Variants in TRHDE observed in about 807,000 individuals in gnomAD.
TRHDE encodes the protein thyrotropin releasing hormone degrading enzyme.
A neutral mutation model predicts 125.7 loss-of-function variants in TRHDE; 72 were observed. That is an observed-to-expected ratio of 0.57 (90% CI 0.47 to 0.70). The LOEUF (loss-of-function observed/expected upper bound fraction) is 0.70, where lower values mean the gene tolerates loss of function less well. Among genes scored for constraint, TRHDE ranks in the 30% least tolerant of loss-of-function variants. The pLI is 0.00. For synonymous variants in TRHDE, 509 were observed against 509.1 expected, an observed-to-expected ratio of 1.00 and a Z score of 0.00; for missense variants, 1,110 against 1,327.1, an observed-to-expected ratio of 0.84 and a Z score of 2.54.
intron 15 of TRHDE, among the ~76,000 whole-genome samples, chr12:72,651,043 A>T (rs1159102418): frequency 6.6e-6 from 1 of 152,130 alleles, no homozygotes; most frequent in Non-Finnish European, 1.5e-5. Flanking sequence ...AAGCTCTTTA[A>T]TGGTTTATTC....
intron 7 of TRHDE, among the ~76,000 whole-genome samples, chr12:72,544,067 C>T (rs1869290407): frequency 6.6e-6 from 1 of 151,280 alleles, no homozygotes; most frequent in Admixed American, 6.6e-5. Context: ...GTCAACACTG[C>T]ATTTCATTTG....
At chr12:72,634,098 C>G (rs376378307) in intron 15 of TRHDE, among the ~76,000 whole-genome samples, 1 of 152,110 alleles carries the variant, frequency 6.6e-6, no homozygotes, top group Non-Finnish European at 1.5e-5. Context: ...AAGCACTGGA[C>G]AGACATCTCA....
At chr12:72,170,888 A>G (rs2139335115) in intron 2 of TRHDE, among the ~76,000 whole-genome samples, 1 of 152,328 alleles carries the variant, frequency 6.6e-6, no homozygotes, top group Non-Finnish European at 1.5e-5. Context: ...GTAGGAAAGC[A>G]ACTTTTGATA....
At chr12:72,238,725 A>C (rs1878414385) in intron 2 of TRHDE, among the ~76,000 whole-genome samples, 1 of 152,134 alleles carries the variant, frequency 6.6e-6, no homozygotes, top group Non-Finnish European at 1.5e-5. Context: ...ACATGAACTC[A>C]TCCTTTTTTA....
intron 6 of TRHDE, among the ~76,000 whole-genome samples, chr12:72,515,739 T>C (rs578229344): frequency 1.6e-4 from 24 of 152,222 alleles, no homozygotes; most frequent in African/African-American, 5.8e-4. Context: ...TAAATGGTAA[T>C]GCCTAGGTTT....
At chr12:72,260,622 C>T (rs547729930) in intron 2 of TRHDE, among the ~76,000 whole-genome samples, 92 of 152,152 alleles carry the variant, frequency 6.0e-4, no homozygotes, top group African/African-American at 2.1e-3. Flanking sequence ...GGAATAGAGT[C>T]AAAGGAGGCC....
At position 72,663,933 on chromosome 12, in the gene TRHDE, G is replaced by A. The variant is rs529385442; in HGVS notation, c.*738G>A. 1 of 152,248 alleles carries A rather than the reference G, an allele frequency of 6.6e-6. No individual in the cohort carries two copies. Among genetic ancestry groups the A allele is most frequent in the South Asian group, 2.1e-4 (1 of 4,824 alleles). 9.4% of individuals were successfully genotyped at this position (152,248 alleles called of 1,614,324 possible). On this transcript the variant is annotated 3_prime_UTR_variant, in exon 19 of 19. Coordinates refer to ENST00000261180, the MANE Select transcript of TRHDE (RefSeq NM_013381.3). ...ATGTTGTACACTGCACATGTACAAAGAATGTCTTCAGATCAAAGAAAATTT... is the reference window on the plus strand; with the variant it reads ...ATGTTGTACACTGCACATGTACAAAAAATGTCTTCAGATCAAAGAAAATTT...
intron 2 of TRHDE, among the ~76,000 whole-genome samples, chr12:72,288,023 CGTAA>C (rs768989159): frequency 6.9e-4 from 104 of 151,000 alleles, no homozygotes; most frequent in Non-Finnish European, 1.2e-3. Context: ...AGGGGCTAAA[CGTAA>C]GCAAATGGTA....
Position 72,238,323 on chromosome 12 carries a change from CAT to C in TRHDE, n.279+132581_279+132582del, listed in dbSNP as rs1234151305. ...ATATATATATATATATATATATATA[CAT>C]ATATATATACACATTATATATATAT... is the stretch of plus-strand genomic sequence containing the variant. On this transcript the variant is annotated intron_variant and non_coding_transcript_variant, in intron 2 of 4. Transcript: ENST00000548156. 1.9e-3 allele frequency among the ~76,000 whole-genome samples: 26 copies of C among 13,662 alleles called. 1 individual carries two copies. Among genetic ancestry groups the C allele is most frequent in the South Asian group, 3.6e-3 (1 of 278 alleles). 9.0% of individuals were successfully genotyped at this position (13,662 alleles called of 152,430 possible).
intron 15 of TRHDE, among the ~76,000 whole-genome samples, chr12:72,629,854 C>T (rs923733761): frequency 2.0e-5 from 3 of 151,334 alleles, no homozygotes; most frequent in African/African-American, 7.3e-5. Context: ...TTTACTTTTT[C>T]CCCTTGTGAT....
At chr12:72,533,464 T>A (rs952005172) in intron 6 of TRHDE, among the ~76,000 whole-genome samples, 1 of 152,186 alleles carries the variant, frequency 6.6e-6, no homozygotes, top group Non-Finnish European at 1.5e-5. Context: ...TGAGCCACCA[T>A]GCCCAGCTGA....
intron 3 of TRHDE, among the ~76,000 whole-genome samples, chr12:72,454,545 A>C (rs1372254784): frequency 6.6e-6 from 1 of 152,142 alleles, no homozygotes; most frequent in Non-Finnish European, 1.5e-5. Flanking sequence ...GAAAAAGCTT[A>C]ATCTATTTCT....
At chr12:72,156,700 C>T (rs545578617) in intron 2 of TRHDE, among the ~76,000 whole-genome samples, 36 of 152,202 alleles carry the variant, frequency 2.4e-4, no homozygotes, top group African/African-American at 8.4e-4. Flanking sequence ...GTTCTAAATG[C>T]TATTTGAGGA....
intron 1 of TRHDE, among the ~76,000 whole-genome samples, chr12:72,283,342 A>G (rs1366859403): frequency 6.6e-6 from 1 of 152,170 alleles, no homozygotes; most frequent in Non-Finnish European, 1.5e-5. Flanking sequence ...CTTGGAAAAG[A>G]CCTTAAATGT....
chr12:72,118,379 A>G (rs1875497898), intron 2 of TRHDE, among the ~76,000 whole-genome samples: 1 of 152,278 alleles, frequency 6.6e-6, no homozygotes, highest in South Asian at 2.1e-4. Flanking sequence ...ATGTTGAACC[A>G]TTCTTGCATC....
At chr12:72,380,571 T>C (rs912886893) in intron 3 of TRHDE, among the ~76,000 whole-genome samples, 8 of 152,128 alleles carry the variant, frequency 5.3e-5, no homozygotes, top group Non-Finnish European at 8.8e-5. Flanking sequence ...AAAGTTTTCC[T>C]GGTGTTTTTG....
intron 6 of TRHDE, among the ~76,000 whole-genome samples, chr12:72,529,576 C>T (rs1013092636): frequency 5.3e-5 from 8 of 152,058 alleles, no homozygotes; most frequent in African/African-American, 1.2e-4. Context: ...CACAGGCTGA[C>T]GTTTGTTTGA....
intron 7 of TRHDE, among the ~76,000 whole-genome samples, chr12:72,552,650 C>G (rs571553473): frequency 1.3e-5 from 2 of 151,994 alleles, no homozygotes; most frequent in Non-Finnish European, 2.9e-5. Flanking sequence ...AGAAGGGTAA[C>G]GACTGTAAAC....
chr12:72,322,688 T>C (rs1431744894), intron 2 of TRHDE, among the ~76,000 whole-genome samples: 1 of 152,108 alleles, frequency 6.6e-6, no homozygotes, highest in African/African-American at 2.4e-5. Context: ...ACCAGGTGTT[T>C]TATGAAAACA....
Sources: allele counts gnomAD v4.1 joint callset (sites outside exome capture counted in the v4.1 genomes callset), GRCh38; gene constraint gnomAD v4.1.1; transcripts MANE v1.5; gene names NCBI Gene and HGNC (gene_info 2026-07-23, HGNC 2026-07-21).